Variants in RASSF8 observed in about 807,000 individuals in gnomAD.
RASSF8 encodes ras association domain-containing protein 8.
RASSF8 carries 22 observed loss-of-function variants against 48.5 expected under a neutral mutation model. The observed-to-expected ratio is 0.45, with a 90% CI of 0.32 to 0.65. RASSF8 has a LOEUF of 0.65. RASSF8 is among the 30% of genes least tolerant of loss of function. The pLI is 0.03. For synonymous variants in RASSF8, 127 were observed against 171.5 expected, an observed-to-expected ratio of 0.74 and a Z score of 2.03; for missense variants, 418 against 489.2, an observed-to-expected ratio of 0.85 and a Z score of 1.37.
chr12:26,036,037 G>A (rs1943144112), intron 2 of RASSF8, among the ~76,000 whole-genome samples: 1 of 150,410 alleles, frequency 6.6e-6, no homozygotes, highest in South Asian at 2.1e-4. Context: ...AGTCTAAAGG[G>A]CAGATACCAT....
At chr12:25,970,312 G>T (rs73077103) in intron 1 of RASSF8, among the ~76,000 whole-genome samples, 17,126 of 152,084 alleles carry the variant, frequency 0.11, 1,298 homozygotes, top group Admixed American at 0.19. Flanking sequence ...TGAACTATGT[G>T]TCAGTTTCTC....
Position 26,068,826 on chromosome 12 carries a change from T to C in RASSF8, c.*8T>C. The C allele has an allele frequency of 2.0e-6, 3 of 1,536,732 alleles. No homozygotes were observed. On this transcript the variant is annotated 3_prime_UTR_variant, in exon 6 of 6. Coordinates refer to ENST00000689635, the MANE Select transcript of RASSF8 (RefSeq NM_001394098.1). ...GAAGGCATATATGTATGACATTATCTGTCTTTAGGGAGGAGACCCAACAGA... is the reference window on the plus strand; with the variant it reads ...GAAGGCATATATGTATGACATTATCCGTCTTTAGGGAGGAGACCCAACAGA...
In RASSF8 at chr12:26,071,599, T is replaced by A; in HGVS notation, c.*2781T>A. Reference sequence around the variant, plus strand: ...GGACATAGTGTCCATAGTCCCTTTCTTGTCCTTCTGAGATATTTTGGTTTG... The same window carrying A: ...GGACATAGTGTCCATAGTCCCTTTCATGTCCTTCTGAGATATTTTGGTTTG... On this transcript the variant is annotated 3_prime_UTR_variant, in exon 6 of 6. Transcript: ENST00000689635. The A allele has an allele frequency of 1.0e-6, 1 of 985,238 alleles. No homozygotes were observed. The allele number at this position is 985,238 out of a possible 1,614,324, so 61.0% of individuals were successfully genotyped here.
At chr12:26,027,105 A>T (rs1398491511) in intron 2 of RASSF8, among the ~76,000 whole-genome samples, 2 of 152,370 alleles carry the variant, frequency 1.3e-5, no homozygotes, top group East Asian at 3.9e-4. Flanking sequence ...GACCACATGT[A>T]TGATTTTATT....
intron 1 of RASSF8, among the ~76,000 whole-genome samples, chr12:25,985,096 A>G (rs1382021845): frequency 6.6e-6 from 1 of 152,118 alleles, no homozygotes; most frequent in African/African-American, 2.4e-5. Flanking sequence ...ACTCCCCTGG[A>G]TTGGCCTGCT....
chr12:25,991,224 T>C (rs1363280542), intron 1 of RASSF8, among the ~76,000 whole-genome samples: 1 of 152,170 alleles, frequency 6.6e-6, no homozygotes, highest in African/African-American at 2.4e-5. Context: ...TCTTGGAAAC[T>C]GGAATTTATT....
intron 2 of RASSF8, among the ~76,000 whole-genome samples, chr12:26,049,906 T>C (rs1177665921): frequency 6.6e-6 from 1 of 152,172 alleles, no homozygotes; most frequent in African/African-American, 2.4e-5. Flanking sequence ...GGCCTCAGCC[T>C]CCCAAGTAGC....
intron 2 of RASSF8, among the ~76,000 whole-genome samples, chr12:26,030,923 G>A (rs544536089): frequency 2.6e-5 from 4 of 152,214 alleles, no homozygotes; most frequent in South Asian, 2.1e-4. Flanking sequence ...GAATGAACCC[G>A]ACTGTTTTCA....
chr12:26,008,010 A>C (rs947754839), intron 2 of RASSF8, among the ~76,000 whole-genome samples: 12 of 152,224 alleles, frequency 7.9e-5, no homozygotes, highest in African/African-American at 2.7e-4. Context: ...GCGGTGGCTC[A>C]CGCCTGTAAT....
Position 26,071,309 on chromosome 12 carries a change from A to G in RASSF8, c.*2491A>G. Reference sequence around the variant, plus strand: ...CATCCTGGATACATTTCGGAGGGGTAGTGGGCAATGGTATACAAAAATACC... The same window carrying G: ...CATCCTGGATACATTTCGGAGGGGTGGTGGGCAATGGTATACAAAAATACC... On this transcript the variant is annotated 3_prime_UTR_variant, in exon 6 of 6. Coordinates refer to ENST00000689635, the MANE Select transcript of RASSF8 (RefSeq NM_001394098.1). The G allele has an allele frequency of 2.0e-6, 2 of 981,040 alleles. No homozygotes were observed. Among genetic ancestry groups the G allele is most frequent in the Non-Finnish European group, 2.4e-6 (2 of 825,966 alleles). 60.8% of individuals were successfully genotyped at this position (981,040 alleles called of 1,614,324 possible).
chr12:26,027,397 G>A (rs145511674), intron 2 of RASSF8, among the ~76,000 whole-genome samples: 22 of 152,308 alleles, frequency 1.4e-4, no homozygotes, highest in African/African-American at 5.1e-4. Context: ...GGATAGCACC[G>A]ATAATTCACC....
At chr12:26,078,911 C>A in intron 5 of RASSF8, 1 of 848,286 alleles carries the variant, frequency 1.2e-6, no homozygotes, top group Non-Finnish European at 1.6e-6. Flanking sequence ...AAAAAAGGCG[C>A]TAACCGAAAA....
At chr12:25,965,006 G>A (rs556988574) in intron 1 of RASSF8, among the ~76,000 whole-genome samples, 120 of 152,124 alleles carry the variant, frequency 7.9e-4, no homozygotes, top group African/African-American at 2.8e-3. Flanking sequence ...GCAGTGGCAC[G>A]ATCTTGGCTC....
At chr12:26,024,749 G>A (rs1432895305) in intron 2 of RASSF8, among the ~76,000 whole-genome samples, 1 of 152,170 alleles carries the variant, frequency 6.6e-6, no homozygotes, top group Non-Finnish European at 1.5e-5. Context: ...TAGTTCGGGA[G>A]ATCAAGACCA....
At chr12:26,014,373 C>T (rs1291725418) in intron 2 of RASSF8, among the ~76,000 whole-genome samples, 1 of 152,182 alleles carries the variant, frequency 6.6e-6, no homozygotes, top group African/African-American at 2.4e-5. Flanking sequence ...AACGTATGTG[C>T]TATCCTTGGC....
At chr12:26,005,355 G>T (rs1335591226) in intron 2 of RASSF8, among the ~76,000 whole-genome samples, 1 of 151,974 alleles carries the variant, frequency 6.6e-6, no homozygotes, top group Non-Finnish European at 1.5e-5. Flanking sequence ...TGTAAAAATG[G>T]GGTCAGTATG....
chr12:25,958,638 G>GGCCCGGCCCGGCCCGGCCCGGCCCCCA, upstream of RASSF8: 2 of 143,030 alleles, frequency 1.4e-5, no homozygotes, highest in South Asian at 2.0e-4. Flanking sequence ...CTGGCCGCCC[G>GGCCCGGCCCGGCCCGGCCCGGCCCCCA]GCCCGGCCCG....
In RASSF8 at chr12:26,071,276, A is replaced by T. The variant is rs759500774; in HGVS notation, c.*2458A>T. 11 of 983,956 alleles carry T rather than the reference A, an allele frequency of 1.1e-5. No homozygotes were observed. The highest frequency in any genetic ancestry group is 1.3e-5 in the Non-Finnish European group (11 of 828,596). The allele number at this position is 983,956 out of a possible 1,614,324, so 61.0% of individuals were successfully genotyped here. A position where few individuals can be genotyped will look rare whatever the true frequency, so the allele number is the denominator to read the frequency against. On this transcript the variant is annotated 3_prime_UTR_variant, in exon 6 of 6. Transcript: ENST00000689635. Reference sequence around the variant, plus strand: ...TATTGCAAATACAAATGAATTAGATAAGTGCCACATCCTGGATACATTTCG... The same window carrying T: ...TATTGCAAATACAAATGAATTAGATTAGTGCCACATCCTGGATACATTTCG...
intron 1 of RASSF8, among the ~76,000 whole-genome samples, chr12:25,979,418 G>A (rs902651532): frequency 1.3e-5 from 2 of 151,318 alleles, no homozygotes; most frequent in African/African-American, 4.9e-5. Context: ...TTTTGGCAAC[G>A]AGGAAATCAT....
Sources: allele counts gnomAD v4.1 joint callset (sites outside exome capture counted in the v4.1 genomes callset), GRCh38; gene constraint gnomAD v4.1.1; transcripts MANE v1.5; gene names NCBI Gene and HGNC (gene_info 2026-07-23, HGNC 2026-07-21).